The following PCGF5 variants were observed in gnomAD, a reference collection of about 807,000 sequenced individuals.
The protein encoded by PCGF5 is polycomb group RING finger protein 5.
Under a neutral mutation model 44.3 loss-of-function variants are expected in PCGF5, and 9 were observed. The observed-to-expected ratio is 0.20, with a 90% CI of 0.12 to 0.35. The LOEUF is 0.35. Ranked by LOEUF, PCGF5 falls within the 10% of genes least tolerant of loss-of-function variation. The pLI, the probability that PCGF5 is intolerant of heterozygous loss-of-function variation, is 1.00. For synonymous variants in PCGF5, 95 were observed against 102.5 expected (o/e 0.93, Z 0.44); for missense variants, 146 against 305.3 (o/e 0.48, Z 3.89).
intron 2 of PCGF5, among the ~76,000 whole-genome samples, chr10:91,237,975 A>G (rs958245128): frequency 6.6e-6 from 1 of 152,208 alleles, no homozygotes; most frequent in Non-Finnish European, 1.5e-5. Context: ...CATGTGTATA[A>G]TTTAAAATTT....
intron 1 of PCGF5, among the ~76,000 whole-genome samples, chr10:91,214,903 A>G (rs563772785): frequency 2.6e-5 from 4 of 152,368 alleles, no homozygotes; most frequent in Admixed American, 2.6e-4. Flanking sequence ...TTATGCTTAT[A>G]AGTTCAGGTT....
chr10:91,206,656 T>G (rs2133243660), intron 1 of PCGF5, among the ~76,000 whole-genome samples: 1 of 152,332 alleles, frequency 6.6e-6, no homozygotes, highest in Non-Finnish European at 1.5e-5. Context: ...AGCAGTCAGC[T>G]TAGAGTAAAG....
chr10:91,168,987 C>G (rs1029920976), intron 1 of PCGF5, among the ~76,000 whole-genome samples: 5 of 138,156 alleles, frequency 3.6e-5, no homozygotes, highest in African/African-American at 1.3e-4. Flanking sequence ...GTGCATTGTG[C>G]GTAGAGTGGT....
At chr10:91,162,383 G>A (rs1169374837), upstream of PCGF5, among the ~76,000 whole-genome samples, 2 of 152,012 alleles carry the variant, frequency 1.3e-5, no homozygotes, top group African/African-American at 2.4e-5. Flanking sequence ...GCGAGCTCTC[G>A]GGTGGAGGGC....
intron 2 of PCGF5, among the ~76,000 whole-genome samples, chr10:91,225,821 C>T (rs1182977320): frequency 6.6e-6 from 1 of 152,096 alleles, no homozygotes; most frequent in Non-Finnish European, 1.5e-5. Flanking sequence ...AATTGTACTG[C>T]AAAGCAGTAT....
chr10:91,218,116 A>G (rs1589373850), upstream of PCGF5, among the ~76,000 whole-genome samples: 2 of 152,142 alleles, frequency 1.3e-5, no homozygotes, highest in East Asian at 3.9e-4. Context: ...ACCTCCCTTA[A>G]GTTCTGGGAC....
intron 3 of PCGF5, among the ~76,000 whole-genome samples, chr10:91,248,296 C>T (rs931536092): frequency 5.3e-5 from 8 of 152,048 alleles, no homozygotes; most frequent in African/African-American, 1.7e-4. Context: ...ATAGAGAGAG[C>T]TGGGGACTGG....
At chr10:91,180,737 G>C (rs1319436619) in intron 1 of PCGF5, among the ~76,000 whole-genome samples, 1 of 152,192 alleles carries the variant, frequency 6.6e-6, no homozygotes, top group African/African-American at 2.4e-5. Flanking sequence ...GTACCATGCT[G>C]TTTTGGTTAC....
chr10:91,264,559 T>TA (rs11406829), intron 8 of PCGF5, 39 bp downstream of exon 8: 96,075 of 1,399,638 alleles, frequency 0.069, 6,141 homozygotes, highest in African/African-American at 0.32. Context: ...TTTATTTAGT[T>TA]ATATACCATT....
intron 1 of PCGF5, among the ~76,000 whole-genome samples, chr10:91,185,305 G>A (rs910920215): frequency 2.0e-5 from 3 of 152,224 alleles, no homozygotes; most frequent in Admixed American, 1.3e-4. Flanking sequence ...TTTTGGTAGA[G>A]CAGCTGTGCT....
rs7068817 is a variant in PCGF5, at chr10:91,233,436, T to C, written c.113-7048T>C. Reference sequence around the variant, plus strand: ...AAAATAAAAATAAAAAAAAATAAAGTGTTGTACTCGGTAGAAGAAAATGCT... The same window carrying C: ...AAAATAAAAATAAAAAAAAATAAAGCGTTGTACTCGGTAGAAGAAAATGCT... On this transcript the variant is annotated intron_variant, in intron 2 of 9. Transcript: ENST00000336126. 5.4e-3 allele frequency among the ~76,000 whole-genome samples: 821 copies of C among 152,200 alleles called. 7 individuals carry two copies. Among genetic ancestry groups the C allele is most frequent in the African/African-American group, 0.019 (780 of 41,514 alleles).
intron 1 of PCGF5, among the ~76,000 whole-genome samples, chr10:91,211,533 T>G (rs1305463797): frequency 6.6e-6 from 1 of 152,238 alleles, no homozygotes; most frequent in African/African-American, 2.4e-5. Context: ...TGCATAAATG[T>G]GAAACGTCAG....
In PCGF5 at chr10:91,248,501, G is replaced by A. The variant is rs57232402; in HGVS notation, c.210-4G>A. 1,556 of 1,610,838 alleles carry A rather than the reference G, an allele frequency of 9.7e-4. 11 individuals carry two copies. The African/African-American group carries it at 0.018, about 19-fold the overall frequency. On this transcript the variant is annotated splice_region_variant and splice_polypyrimidine_tract_variant and intron_variant, in intron 3 of 9. Coordinates refer to ENST00000336126, the MANE Select transcript of PCGF5 (RefSeq NM_032373.5). ...TAGTATTTTCTTTCTCCCCCCTTTCGAAGGTTGGACAATACATTAGAGGAA... is the reference window on the plus strand; with the variant it reads ...TAGTATTTTCTTTCTCCCCCCTTTCAAAGGTTGGACAATACATTAGAGGAA...
At chr10:91,225,292 A>G (rs1844798519) in intron 2 of PCGF5, among the ~76,000 whole-genome samples, 1 of 147,458 alleles carries the variant, frequency 6.8e-6, no homozygotes, top group Non-Finnish European at 1.5e-5. Context: ...TATATAACAT[A>G]TATATAACAT....
chr10:91,242,563 G>T (rs55837500), intron 3 of PCGF5, among the ~76,000 whole-genome samples: 1 of 151,840 alleles, frequency 6.6e-6, no homozygotes, highest in Admixed American at 6.6e-5. Flanking sequence ...AATCAAACCC[G>T]CTCCCTTGGC....
At chr10:91,212,441 T>C (rs565491032) in intron 1 of PCGF5, among the ~76,000 whole-genome samples, 1 of 152,354 alleles carries the variant, frequency 6.6e-6, no homozygotes, top group South Asian at 2.1e-4. Context: ...TGTCTCTTAA[T>C]AGTCACAGAG....
At chr10:91,184,433 C>G (rs184146635) in intron 1 of PCGF5, among the ~76,000 whole-genome samples, 1 of 152,156 alleles carries the variant, frequency 6.6e-6, no homozygotes, top group Non-Finnish European at 1.5e-5. Flanking sequence ...TCTCTACTGG[C>G]TGTTTTGTCT....
chr10:91,276,679 T>C (rs1209513559), intron 9 of PCGF5, among the ~76,000 whole-genome samples: 1 of 152,228 alleles, frequency 6.6e-6, no homozygotes, highest in African/African-American at 2.4e-5. Flanking sequence ...CCATTTTACT[T>C]CCCTCTGTAC....
chr10:91,242,192 G>A (rs1472411039), intron 3 of PCGF5, among the ~76,000 whole-genome samples: 3 of 149,962 alleles, frequency 2.0e-5, no homozygotes, highest in Admixed American at 6.7e-5. Flanking sequence ...GTAGGCAGGG[G>A]ACAGGGATGC....
Sources: gnomAD v4.1 joint callset for allele counts (sites outside exome capture counted in the v4.1 genomes callset) on GRCh38, gnomAD v4.1.1 for gene constraint, MANE v1.5 for transcripts, NCBI Gene and HGNC (gene_info 2026-07-23, HGNC 2026-07-21) for gene names.